SPAG17: variants seen among roughly 807,000 people sequenced by gnomAD.
SPAG17 encodes sperm associated antigen 17, also known as sperm-associated antigen 17.
A neutral mutation model predicts 273.6 loss-of-function variants in SPAG17; 169 were observed. That is an observed-to-expected ratio of 0.62 (90% CI 0.55 to 0.70). The LOEUF is 0.70. Among genes scored for constraint, SPAG17 ranks in the 30% least tolerant of loss-of-function variants. The pLI is 0.00. For synonymous variants in SPAG17, 825 were observed against 873.2 expected (o/e 0.94, Z 0.97); for missense variants, 2,557 against 2,627.8 (o/e 0.97, Z 0.59).
At chr1:118,085,485 A>G (rs1654915152) in intron 13 of SPAG17, among the ~76,000 whole-genome samples, 1 of 149,678 alleles carries the variant, frequency 6.7e-6, no homozygotes, top group African/African-American at 2.4e-5. Context: ...GAAGGACAGC[A>G]TTGTCCTGGA....
chr1:117,968,164 G>T (rs553163857), intron 46 of SPAG17, among the ~76,000 whole-genome samples: 1 of 152,214 alleles, frequency 6.6e-6, no homozygotes, highest in Admixed American at 6.5e-5. Context: ...GCTGAACGGT[G>T]GTTAGATTTA....
At chr1:118,156,923 C>T (rs1279067958) in intron 1 of SPAG17, among the ~76,000 whole-genome samples, 2 of 152,004 alleles carry the variant, frequency 1.3e-5, no homozygotes. Flanking sequence ...TGTCATGTTC[C>T]ATAATCTGGG....
chr1:118,016,038 G>C lies in SPAG17; in HGVS notation c.4214C>G (p.Thr1405Ser). The C allele has an allele frequency of 6.2e-7, 1 of 1,613,962 alleles. No homozygotes were observed. ...GTCTGCTATTCTTTCTAATCCTTTG[G>C]TGCCGATCCGATTTCCTTCAGGTGT... ...TTTPEGNRIGTKGLERIADLT... is the reference protein window; with the variant it reads ...TTTPEGNRIGSKGLERIADLT... The change falls in exon 29 of 49, where the codon ACC (threonine) becomes AGC (serine). Residue 1405 changes from threonine to serine, a missense_variant. Coordinates refer to ENST00000336338, the MANE Select transcript of SPAG17 (RefSeq NM_206996.4).
chr1:118,158,623 GAC>G (rs1659768962), intron 1 of SPAG17, among the ~76,000 whole-genome samples: 1 of 152,142 alleles, frequency 6.6e-6, no homozygotes, highest in Admixed American at 6.5e-5. Context: ...AGTGCAATAA[GAC>G]ACGTTTCCTG....
intron 3 of SPAG17, among the ~76,000 whole-genome samples, chr1:118,146,095 T>G (rs1364155791): frequency 1.3e-5 from 2 of 152,194 alleles, no homozygotes; most frequent in Non-Finnish European, 2.9e-5. Flanking sequence ...TTCAGATAAA[T>G]TGGATAAGTA....
intron 28 of SPAG17, among the ~76,000 whole-genome samples, chr1:118,017,086 C>T (rs576460247): frequency 2.8e-4 from 43 of 152,240 alleles, no homozygotes; most frequent in African/African-American, 9.1e-4. Context: ...AGGGACTCAA[C>T]TAATGGGAAG....
chr1:117,960,292 C>CTG (rs1368999466), intron 48 of SPAG17: 1 of 152,036 alleles, frequency 6.6e-6, no homozygotes, highest in Non-Finnish European at 1.5e-5. Context: ...TACTAGTAGC[C>CTG]TGTTATTGAC....
intron 20 of SPAG17, among the ~76,000 whole-genome samples, chr1:118,044,549 C>T (rs1650131904): frequency 6.6e-6 from 1 of 152,056 alleles, no homozygotes; most frequent in Non-Finnish European, 1.5e-5. Flanking sequence ...AACTTGTTAA[C>T]AGCCACAATG....
In SPAG17 at chr1:117,970,117, C is replaced by G. The variant is rs1370246401; in HGVS notation, c.6327-1G>C. 6.2e-7 allele frequency: 1 copy of G among 1,610,362 alleles called. No homozygotes were observed. The highest frequency in any genetic ancestry group is 2.2e-5 in the East Asian group (1 of 44,812). ...GGGTGGGGGCTGCTTTACTTTAAACCTACAAGGCAGAAAGATAAAAATAAA... is the reference window on the plus strand; with the variant it reads ...GGGTGGGGGCTGCTTTACTTTAAACGTACAAGGCAGAAAGATAAAAATAAA... On this transcript the variant is annotated splice_acceptor_variant, in intron 45 of 48. Transcript: ENST00000336338. LOFTEE classifies it high-confidence loss of function.
At position 118,066,312 on chromosome 1, in the gene SPAG17, T is replaced by C. The variant is rs192099626; in HGVS notation, c.2540+433A>G. On this transcript the variant is annotated intron_variant, in intron 18 of 48. Coordinates refer to ENST00000336338, the MANE Select transcript of SPAG17 (RefSeq NM_206996.4). ...ATCACTAACCCCTAGGCTCTCAGTT[T>C]GCTGGAAACCTGACTGCTCTGTTGG... Among the ~76,000 whole-genome samples the C allele has an allele frequency of 3.8e-3, 572 of 152,246 alleles. 3 individuals carry two copies. Among genetic ancestry groups the C allele is most frequent in the African/African-American group, 0.013 (544 of 41,550 alleles).
chr1:118,093,548 G>A (rs559374311), intron 7 of SPAG17, among the ~76,000 whole-genome samples: 2 of 152,216 alleles, frequency 1.3e-5, no homozygotes, highest in East Asian at 1.9e-4. Flanking sequence ...GGGCCGTATG[G>A]CTGCCTAATG....
intron 13 of SPAG17, among the ~76,000 whole-genome samples, chr1:118,083,538 G>C: frequency 6.6e-6 from 1 of 152,046 alleles, no homozygotes; most frequent in East Asian, 1.9e-4. Context: ...TGTAATCCCA[G>C]CACTTTGGGA....
In SPAG17 at chr1:117,953,591, T is replaced by C; in HGVS notation, c.*459A>G. 1 of 1,583,270 alleles carries C rather than the reference T, an allele frequency of 6.3e-7. No individual in the cohort carries two copies. The highest frequency in any genetic ancestry group is 8.6e-7 in the Non-Finnish European group (1 of 1,162,902). On this transcript the variant is annotated 3_prime_UTR_variant, in exon 49 of 49. Coordinates refer to ENST00000336338, the MANE Select transcript of SPAG17 (RefSeq NM_206996.4). ...CTCGTTTTTTAATAAGATCTCAACTTTTTAGTAAAAGTTTTATTCTGTATC... is the reference window on the plus strand; with the variant it reads ...CTCGTTTTTTAATAAGATCTCAACTCTTTAGTAAAAGTTTTATTCTGTATC...
chr1:117,985,338 C>G (rs1268361325), intron 40 of SPAG17, among the ~76,000 whole-genome samples: 1 of 152,160 alleles, frequency 6.6e-6, no homozygotes, highest in Non-Finnish European at 1.5e-5. Flanking sequence ...GAGATGTAAA[C>G]TTAAGTCATT....
intron 24 of SPAG17, among the ~76,000 whole-genome samples, chr1:118,033,791 A>G (rs1648755978): frequency 6.6e-6 from 1 of 152,188 alleles, no homozygotes; most frequent in Non-Finnish European, 1.5e-5. Flanking sequence ...ATGGTTCTTA[A>G]GTTCTAGAAT....
intron 3 of SPAG17, among the ~76,000 whole-genome samples, chr1:118,138,312 G>A (rs1428150735): frequency 6.6e-6 from 1 of 152,150 alleles, no homozygotes; most frequent in Non-Finnish European, 1.5e-5. Context: ...TCAATCTTGT[G>A]CCCATTACCC....
intron 32 of SPAG17, among the ~76,000 whole-genome samples, chr1:117,998,221 C>A (rs926789737): frequency 1.3e-5 from 2 of 152,010 alleles, no homozygotes; most frequent in African/African-American, 4.8e-5. Context: ...CATCTTGAGA[C>A]AATTGTTGTA....
chr1:118,047,609 T>G (rs1348170315), intron 20 of SPAG17, among the ~76,000 whole-genome samples: 1 of 151,990 alleles, frequency 6.6e-6, no homozygotes, highest in Non-Finnish European at 1.5e-5. Context: ...CAGACTTCAG[T>G]CTGGCTCATG....
At chr1:118,084,028 C>A (rs867934678) in intron 13 of SPAG17, among the ~76,000 whole-genome samples, 1 of 151,996 alleles carries the variant, frequency 6.6e-6, no homozygotes, top group African/African-American at 2.4e-5. Flanking sequence ...ATGGTGGCAG[C>A]AGGAACAAAA....
Sources: gnomAD v4.1 joint callset for allele counts (sites outside exome capture counted in the v4.1 genomes callset) on GRCh38, gnomAD v4.1.1 for gene constraint, MANE v1.5 for transcripts, NCBI Gene and HGNC (gene_info 2026-07-23, HGNC 2026-07-21) for gene names.